The following AGPS variants were observed in gnomAD, a reference collection of about 807,000 sequenced individuals.
AGPS encodes alkylglycerone phosphate synthase.
AGPS carries 26 observed loss-of-function variants against 90.7 expected under a neutral mutation model. The ratio of observed to expected loss-of-function variants is 0.29; its 90% CI spans 0.21 to 0.40. The LOEUF (loss-of-function observed/expected upper bound fraction) is 0.40. Ranked by LOEUF, AGPS falls within the 10% of genes least tolerant of loss-of-function variation. The pLI is 1.00. For synonymous variants in AGPS, 294 were observed against 285.3 expected (o/e 1.03, Z -0.31); for missense variants, 540 against 816.1 (o/e 0.66, Z 4.12).
chr2:177,518,216 T>A (rs968185619), intron 17 of AGPS, among the ~76,000 whole-genome samples: 1 of 152,062 alleles, frequency 6.6e-6, no homozygotes, highest in African/African-American at 2.4e-5. Flanking sequence ...GGTGGATCAC[T>A]TGAGGTCAGG....
intron 19 of AGPS, among the ~76,000 whole-genome samples, chr2:177,532,650 A>G (rs571771629): frequency 6.6e-6 from 1 of 152,308 alleles, no homozygotes; most frequent in South Asian, 2.1e-4. Flanking sequence ...GTTCACATAA[A>G]AACCTTAACA....
At chr2:177,440,543 A>G (rs1686573083) in intron 5 of AGPS, among the ~76,000 whole-genome samples, 1 of 152,194 alleles carries the variant, frequency 6.6e-6, no homozygotes. Flanking sequence ...CTATTTTTAA[A>G]GAAGACACAA....
In AGPS at chr2:177,468,368, A is replaced by T. The variant is rs767676622; in HGVS notation, c.997-48A>T. The T allele has an allele frequency of 7.9e-5, 89 of 1,128,974 alleles. 2 individuals carry two copies. The highest frequency in any genetic ancestry group is 4.9e-5 in the Non-Finnish European group (36 of 742,092). 69.9% of individuals were successfully genotyped at this position (1,128,974 alleles called of 1,614,324 possible). On this transcript the variant is annotated intron_variant, in intron 9 of 19. Transcript: ENST00000264167. ...TATAAATGTCTGTACATAGACACAC[A>T]TTCACTAACAGATGTCTAGAATTTA...
intron 2 of AGPS, among the ~76,000 whole-genome samples, chr2:177,429,261 T>G (rs1229240995): frequency 6.6e-6 from 1 of 152,180 alleles, no homozygotes; most frequent in Non-Finnish European, 1.5e-5. Context: ...AGCATGTTCC[T>G]TTAGCTCAGC....
At chr2:177,531,010 G>C (rs1173245850) in intron 19 of AGPS, among the ~76,000 whole-genome samples, 1 of 151,914 alleles carries the variant, frequency 6.6e-6, no homozygotes, top group Non-Finnish European at 1.5e-5. Context: ...TTTAAATATT[G>C]ATTTTTTTTA....
intron 16 of AGPS, among the ~76,000 whole-genome samples, chr2:177,512,230 A>C (rs1050478610): frequency 2.6e-5 from 4 of 152,080 alleles, no homozygotes; most frequent in Non-Finnish European, 4.4e-5. Context: ...AAGACATATT[A>C]AATATCAGTC....
intron 11 of AGPS, among the ~76,000 whole-genome samples, chr2:177,487,800 A>G (rs1284582238): frequency 2.0e-5 from 3 of 152,120 alleles, no homozygotes; most frequent in Non-Finnish European, 2.9e-5. Context: ...GACAGTTATG[A>G]GACATGTTCT....
At chr2:177,470,028 C>A (rs1323863481) in intron 10 of AGPS, among the ~76,000 whole-genome samples, 4 of 152,056 alleles carry the variant, frequency 2.6e-5, no homozygotes, top group South Asian at 4.1e-4. Flanking sequence ...GGAGGCCATA[C>A]CTAAAGTGGT....
intron 8 of AGPS, among the ~76,000 whole-genome samples, chr2:177,451,695 GTTAAT>G (rs1686957353): frequency 6.6e-6 from 1 of 152,074 alleles, no homozygotes; most frequent in Non-Finnish European, 1.5e-5. Context: ...CCTTTCTTGT[GTTAAT>G]TTATAGAGTT....
chr2:177,502,336 T>C (rs768208501), intron 14 of AGPS, among the ~76,000 whole-genome samples: 18 of 152,136 alleles, frequency 1.2e-4, no homozygotes, highest in South Asian at 6.2e-4. Flanking sequence ...TTATTAGATG[T>C]GGACATCTTC....
intron 8 of AGPS, among the ~76,000 whole-genome samples, chr2:177,447,369 A>AT (rs1686808207): frequency 6.6e-6 from 1 of 152,170 alleles, no homozygotes; most frequent in South Asian, 2.1e-4. Flanking sequence ...TTAAGGTTTT[A>AT]TATCAGATAA....
chr2:177,448,697 A>G (rs1686848112), intron 8 of AGPS, among the ~76,000 whole-genome samples: 3 of 152,222 alleles, frequency 2.0e-5, no homozygotes, highest in Admixed American at 2.0e-4. Context: ...ATGATCTAAT[A>G]TGTACAATTT....
chr2:177,495,685 A>G (rs1165813040), intron 12 of AGPS, among the ~76,000 whole-genome samples: 1 of 151,788 alleles, frequency 6.6e-6, no homozygotes, highest in African/African-American at 2.4e-5. Flanking sequence ...AGGCAGGCGG[A>G]TCACCTGAAG....
At chr2:177,405,522 T>C (rs1229930930) in intron 1 of AGPS, among the ~76,000 whole-genome samples, 1 of 152,198 alleles carries the variant, frequency 6.6e-6, no homozygotes, top group Admixed American at 6.5e-5. Context: ...TCAGATAACG[T>C]TTTGAAATTT....
chr2:177,525,496 C>T (rs960719724), intron 19 of AGPS, among the ~76,000 whole-genome samples: 3 of 152,068 alleles, frequency 2.0e-5, no homozygotes, highest in African/African-American at 7.2e-5. Flanking sequence ...GTGTCAGCAG[C>T]CAATAGTTTA....
At chr2:177,449,282 G>A (rs1027230039) in intron 8 of AGPS, among the ~76,000 whole-genome samples, 1 of 152,162 alleles carries the variant, frequency 6.6e-6, no homozygotes, top group African/African-American at 2.4e-5. Context: ...TTTTCCCAGA[G>A]TGATTATATC....
chr2:177,538,186 C>T lies in AGPS; in HGVS notation c.1968C>T (p.Asn656=). The T allele has an allele frequency of 1.2e-6, 2 of 1,612,506 alleles. No homozygotes were observed. Among genetic ancestry groups the T allele is most frequent in the Non-Finnish European group, 8.5e-7 (1 of 1,178,998 alleles). ...CCAATAACATCTTTGGAAACAGAAA[C>T]CTTTTATAAATCCATTAGTACCATT... is the stretch of plus-strand genomic sequence containing the variant. The part of the protein sequence containing the change: ...VDPNNIFGNR[N]LL Residue 656 remains asparagine, a synonymous_variant, in exon 20 of 20, where the codon AAC becomes AAT. Coordinates refer to ENST00000264167, the MANE Select transcript of AGPS (RefSeq NM_003659.4).
At chr2:177,420,660 G>A (rs1685917525) in intron 2 of AGPS, among the ~76,000 whole-genome samples, 1 of 151,512 alleles carries the variant, frequency 6.6e-6, no homozygotes, top group South Asian at 2.1e-4. Flanking sequence ...TAGTTATCCA[G>A]TTCATATTCA....
At chr2:177,478,934 C>T (rs1161506205) in intron 10 of AGPS, among the ~76,000 whole-genome samples, 2 of 151,874 alleles carry the variant, frequency 1.3e-5, no homozygotes, top group Admixed American at 1.3e-4. Context: ...TTTACCACAT[C>T]ATTCACTGTT....
Sources: gnomAD v4.1 joint callset for allele counts (sites outside exome capture counted in the v4.1 genomes callset) on GRCh38, gnomAD v4.1.1 for gene constraint, MANE v1.5 for transcripts, NCBI Gene and HGNC (gene_info 2026-07-23, HGNC 2026-07-21) for gene names.